Variants in PRKAA2 observed in about 807,000 individuals in gnomAD.
PRKAA2 encodes 5'-AMP-activated protein kinase catalytic subunit alpha-2.
Under a neutral mutation model 56.3 loss-of-function variants are expected in PRKAA2, and 40 were observed. That is an observed-to-expected ratio of 0.71 (90% CI 0.55 to 0.92). The LOEUF (loss-of-function observed/expected upper bound fraction) is 0.92. PRKAA2 is among the 40% of genes least tolerant of loss of function. The pLI is 0.00. For synonymous variants in PRKAA2, 214 were observed against 234.2 expected (o/e 0.91, Z 0.79); for missense variants, 542 against 686.9 (o/e 0.79, Z 2.36).
At chr1:56,665,361 A>C (rs892824317) in intron 1 of PRKAA2, among the ~76,000 whole-genome samples, 1 of 152,190 alleles carries the variant, frequency 6.6e-6, no homozygotes, top group Admixed American at 6.5e-5. Flanking sequence ...GGCTTGAGCC[A>C]CCACACCCAG....
intron 1 of PRKAA2, among the ~76,000 whole-genome samples, chr1:56,663,056 T>C (rs979020283): frequency 2.0e-5 from 3 of 152,172 alleles, no homozygotes; most frequent in Non-Finnish European, 4.4e-5. Flanking sequence ...ACTGTTGCCA[T>C]GAACTCTGCT....
chr1:56,669,445 T>C (rs1466495710), intron 1 of PRKAA2, among the ~76,000 whole-genome samples: 1 of 151,570 alleles, frequency 6.6e-6, no homozygotes, highest in Non-Finnish European at 1.5e-5. Flanking sequence ...GGTGACAGAC[T>C]GTCTCAGAAA....
chr1:56,663,090 TTTTG>T (rs1644007611), intron 1 of PRKAA2, among the ~76,000 whole-genome samples: 1 of 152,128 alleles, frequency 6.6e-6, no homozygotes, highest in Admixed American at 6.5e-5. Context: ...GTTTGTTGTT[TTTTG>T]TTTGTTTGTT....
At chr1:56,690,067 A>G (rs1051271714) in intron 2 of PRKAA2, among the ~76,000 whole-genome samples, 1 of 150,694 alleles carries the variant, frequency 6.6e-6, no homozygotes, top group African/African-American at 2.5e-5. Context: ...TTTGAAGCAA[A>G]TCTCAACATT....
intron 6 of PRKAA2, among the ~76,000 whole-genome samples, chr1:56,699,069 G>T (rs1238375800): frequency 6.6e-6 from 1 of 152,122 alleles, no homozygotes; most frequent in African/African-American, 2.4e-5. Context: ...TTTGGGGAGC[G>T]TAGTCATAGA....
chr1:56,674,358 T>C, intron 1 of PRKAA2, 23 bp from the exon 2 acceptor site: 1 of 1,520,426 alleles, frequency 6.6e-7, no homozygotes, highest in Non-Finnish European at 8.8e-7. Context: ...TAGCACATTT[T>C]TTTTCCTTTT....
At chr1:56,675,345 AT>A (rs11358468) in intron 2 of PRKAA2, among the ~76,000 whole-genome samples, 85,059 of 150,782 alleles carry the variant, frequency 0.56, 24,409 homozygotes, top group East Asian at 0.83. Context: ...TGTACCAAGC[AT>A]TTTTTTTTTG....
Position 56,704,264 on chromosome 1 carries a change from C to T in PRKAA2, c.1082C>T (p.Pro361Leu). The change falls in exon 7 of 9, where the codon CCA (proline) becomes CTA (leucine). Residue 361 changes from proline (P) to leucine (L), a missense_variant. Around this residue, in one of 5 missense-constraint regions of PRKAA2, gnomAD observed 198 missense variants for 234.0 expected, o/e 0.85. Transcript: ENST00000371244. ...GATGATAGTGCCATGCATATTCCCCCAGGCCTGAAACCTCATCCAGAAAGG... is the reference window on the plus strand; with the variant it reads ...GATGATAGTGCCATGCATATTCCCCTAGGCCTGAAACCTCATCCAGAAAGG... ...FMDDSAMHIP[P>L]GLKPHPERMP... is the part of the protein sequence containing the mutation. 9.9e-6 allele frequency: 16 copies of T among 1,614,064 alleles called. No homozygotes were observed. Among genetic ancestry groups the T allele is most frequent in the Non-Finnish European group, 1.4e-5 (16 of 1,180,016 alleles).
chr1:56,711,791 T>A lies in PRKAA2; in HGVS notation c.*4078T>A, dbSNP rs886959787. On this transcript the variant is annotated 3_prime_UTR_variant, in exon 9 of 9. Transcript: ENST00000371244. ...GATTTTAACACTTCTAAGGTACCTT[T>A]GAGCTTTAAAGTTCTTTTCTGCTTT... The A allele has an allele frequency of 6.6e-6, 1 of 152,202 alleles. No homozygotes were observed. The highest frequency in any genetic ancestry group is 2.4e-5 in the African/African-American group (1 of 41,466). 9.4% of individuals were successfully genotyped at this position (152,202 alleles called of 1,614,324 possible).
At chr1:56,673,642 ATATT>A (rs1348119584) in intron 1 of PRKAA2, among the ~76,000 whole-genome samples, 1 of 152,214 alleles carries the variant, frequency 6.6e-6, no homozygotes, top group Non-Finnish European at 1.5e-5. Context: ...CAGAATGACT[ATATT>A]TATCATAGAA....
chr1:56,697,478 G>T (rs1303755829), intron 6 of PRKAA2, among the ~76,000 whole-genome samples: 1 of 152,004 alleles, frequency 6.6e-6, no homozygotes, highest in African/African-American at 2.4e-5. Context: ...TTTCTTCAGT[G>T]TTCCAAACCT....
At chr1:56,647,321 T>C (rs1646651161) in intron 1 of PRKAA2, among the ~76,000 whole-genome samples, 1 of 152,236 alleles carries the variant, frequency 6.6e-6, no homozygotes, top group African/African-American at 2.4e-5. Context: ...CATTTGGACA[T>C]GTACACACAA....
At chr1:56,696,981 CTT>C (rs1644262541) in intron 6 of PRKAA2, among the ~76,000 whole-genome samples, 1 of 122,166 alleles carries the variant, frequency 8.2e-6, no homozygotes, top group African/African-American at 3.0e-5. Flanking sequence ...TTCCAGAACT[CTT>C]TCCCCTTTTC....
intron 6 of PRKAA2, among the ~76,000 whole-genome samples, chr1:56,701,706 G>A (rs569403310): frequency 3.3e-5 from 5 of 152,022 alleles, no homozygotes; most frequent in South Asian, 4.1e-4. Flanking sequence ...TGGCTAACAC[G>A]GTGAAACCCC....
chr1:56,664,855 TACACACACAC>T (rs67041631), intron 1 of PRKAA2, among the ~76,000 whole-genome samples: 43 of 139,930 alleles, frequency 3.1e-4, no homozygotes, highest in Middle Eastern at 3.7e-3. Context: ...AGTATATGTG[TACACACACAC>T]ACACACACAC....
chr1:56,701,944 A>G (rs1388724330), intron 6 of PRKAA2, among the ~76,000 whole-genome samples: 1 of 152,138 alleles, frequency 6.6e-6, no homozygotes, highest in Non-Finnish European at 1.5e-5. Context: ...GAAAAAAATC[A>G]ACAACTAAAA....
At chr1:56,698,568 C>T (rs945356608) in intron 6 of PRKAA2, among the ~76,000 whole-genome samples, 2 of 152,136 alleles carry the variant, frequency 1.3e-5, no homozygotes, top group African/African-American at 4.8e-5. Flanking sequence ...TGGGGCTCAA[C>T]TTGGAACTTT....
chr1:56,696,096 C>T lies in PRKAA2; in HGVS notation c.725C>T (p.Ala242Val). Residue 242 changes from alanine to valine, a missense_variant, in exon 6 of 9, where the codon GCC becomes GTC. Around this residue, in one of 5 missense-constraint regions of PRKAA2, gnomAD observed 198 missense variants for 234.0 expected, o/e 0.85. Transcript: ENST00000371244. ...CCAGAATATCTCAATCGTTCTGTCG[C>T]CACTCTCCTGATGCATATGCTGCAG... is the stretch of plus-strand genomic sequence containing the variant. ...YIPEYLNRSV[A>V]TLLMHMLQVD... 1 of 1,613,498 alleles carries T rather than the reference C, an allele frequency of 6.2e-7. No individual in the cohort carries two copies. The highest frequency in any genetic ancestry group is 1.1e-5 in the South Asian group (1 of 91,010).
Position 56,707,939 on chromosome 1 carries a change from T to C in PRKAA2, c.*226T>C. The stretch of plus-strand genomic sequence containing the variant: ...GCCTATGATAAATTCACATAGGCAA[T>C]ATCTTTAATAGGTTAATATCAATGA... On this transcript the variant is annotated 3_prime_UTR_variant, in exon 9 of 9. Transcript: ENST00000371244. The C allele has an allele frequency of 1.8e-6, 1 of 558,258 alleles. No homozygotes were observed. Among genetic ancestry groups the C allele is most frequent in the South Asian group, 2.2e-5 (1 of 46,166 alleles). The allele number at this position is 558,258 out of a possible 1,614,324, so 34.6% of individuals were successfully genotyped here.
Sources: allele counts gnomAD v4.1 joint callset (sites outside exome capture counted in the v4.1 genomes callset), GRCh38; gene constraint gnomAD v4.1.1; regional missense constraint gnomAD v4.1.1; transcripts MANE v1.5; gene names NCBI Gene and HGNC (gene_info 2026-07-23, HGNC 2026-07-21).